ASTN2: variants seen among roughly 807,000 people sequenced by gnomAD.
ASTN2 encodes the protein astrotactin-2.
A neutral mutation model predicts 139.8 loss-of-function variants in ASTN2; 54 were observed. The observed-to-expected ratio is 0.39, with a 90% CI of 0.31 to 0.48. The LOEUF is 0.48. Ranked by LOEUF, ASTN2 falls within the 20% of genes least tolerant of loss-of-function variation. The pLI is 0.95. For synonymous variants in ASTN2, 756 were observed against 719.5 expected, an observed-to-expected ratio of 1.05 and a Z score of -0.81; for missense variants, 1,565 against 1,725.1, an observed-to-expected ratio of 0.91 and a Z score of 1.64.
At chr9:117,270,041 A>G (rs906543459) in intron 2 of ASTN2, among the ~76,000 whole-genome samples, 5 of 152,212 alleles carry the variant, frequency 3.3e-5, no homozygotes, top group Non-Finnish European at 7.3e-5. Context: ...TAGAGGTAAT[A>G]GGAAATTTGG....
chr9:117,002,887 C>G (rs1455512552), intron 7 of ASTN2, among the ~76,000 whole-genome samples: 1 of 152,168 alleles, frequency 6.6e-6, no homozygotes, highest in Non-Finnish European at 1.5e-5. Flanking sequence ...AAGGCTATGA[C>G]AGTAGGTGGG....
chr9:116,549,399 G>A (rs1852243061), intron 19 of ASTN2, among the ~76,000 whole-genome samples: 1 of 152,216 alleles, frequency 6.6e-6, no homozygotes, highest in Admixed American at 6.5e-5. Context: ...AGTCAGGGCA[G>A]CTCTGAGCCA....
chr9:117,389,735 A>T (rs1830494535), intron 1 of ASTN2, among the ~76,000 whole-genome samples: 1 of 152,148 alleles, frequency 6.6e-6, no homozygotes, highest in Non-Finnish European at 1.5e-5. Context: ...TTGGAGAAGC[A>T]CTAGGTATGC....
At chr9:117,194,548 T>C (rs1394196658) in intron 3 of ASTN2, among the ~76,000 whole-genome samples, 1 of 152,206 alleles carries the variant, frequency 6.6e-6, no homozygotes, top group Non-Finnish European at 1.5e-5. Context: ...CACGTGAATA[T>C]GTGCAGGCTC....
At chr9:117,145,635 C>T (rs1177184154) in intron 3 of ASTN2, among the ~76,000 whole-genome samples, 2 of 138,410 alleles carry the variant, frequency 1.4e-5, no homozygotes, top group Admixed American at 1.5e-4. Flanking sequence ...CTTTTCAGTT[C>T]TAGGAATCAG....
At chr9:117,053,371 G>C (rs1450881343) in intron 5 of ASTN2, among the ~76,000 whole-genome samples, 1 of 152,146 alleles carries the variant, frequency 6.6e-6, no homozygotes, top group African/African-American at 2.4e-5. Context: ...AAGATCGCTT[G>C]AGCCCAGGAG....
At chr9:116,937,787 A>G (rs1041837648) in intron 10 of ASTN2, among the ~76,000 whole-genome samples, 1 of 152,202 alleles carries the variant, frequency 6.6e-6, no homozygotes, top group Non-Finnish European at 1.5e-5. Context: ...AATTTGATAA[A>G]TATGTGTTAG....
At chr9:116,784,730 G>A (rs546812666) in intron 13 of ASTN2, among the ~76,000 whole-genome samples, 2 of 152,154 alleles carry the variant, frequency 1.3e-5, no homozygotes, top group East Asian at 3.9e-4. Flanking sequence ...GGGAGTTCGA[G>A]ACCAGCCTGA....
At chr9:117,123,709 G>C (rs1829616729) in intron 4 of ASTN2, among the ~76,000 whole-genome samples, 1 of 152,040 alleles carries the variant, frequency 6.6e-6, no homozygotes, top group East Asian at 1.9e-4. Context: ...TACATTAAGA[G>C]GCAAGCAAAG....
At chr9:116,941,490 C>T (rs1835227921) in intron 10 of ASTN2, among the ~76,000 whole-genome samples, 1 of 151,502 alleles carries the variant, frequency 6.6e-6, no homozygotes, top group Admixed American at 6.6e-5. Flanking sequence ...TCCCCTCTTA[C>T]TCAGAGAAGG....
chr9:116,754,072 T>C (rs1829474393), intron 13 of ASTN2, among the ~76,000 whole-genome samples: 1 of 151,646 alleles, frequency 6.6e-6, no homozygotes, highest in Non-Finnish European at 1.5e-5. Flanking sequence ...TTTGGTTTTC[T>C]GTTCTTGTGT....
At chr9:116,654,590 A>G (rs1396390340) in intron 16 of ASTN2, among the ~76,000 whole-genome samples, 1 of 152,210 alleles carries the variant, frequency 6.6e-6, no homozygotes, top group Admixed American at 6.5e-5. Flanking sequence ...TGGTATGCTG[A>G]TCTAGTACAA....
At chr9:117,045,257 C>CAAAAA (rs56993648) in intron 5 of ASTN2, among the ~76,000 whole-genome samples, 1 of 131,644 alleles carries the variant, frequency 7.6e-6, no homozygotes, top group African/African-American at 2.9e-5. Flanking sequence ...ATGTAATTAG[C>CAAAAA]AAAAAAAAAA....
chr9:116,828,228 T>C (rs3939065), intron 11 of ASTN2, among the ~76,000 whole-genome samples: 119,527 of 150,220 alleles, frequency 0.8, 47,651 homozygotes, highest in East Asian at 0.92. Context: ...ACCCGGGAGG[T>C]GGAGGTTGCA....
intron 5 of ASTN2, among the ~76,000 whole-genome samples, chr9:117,040,584 G>C (rs1588503092): frequency 6.6e-6 from 1 of 152,118 alleles, no homozygotes; most frequent in Admixed American, 6.5e-5. Flanking sequence ...TCAGCCTCCT[G>C]AGTAGCTGGG....
chr9:117,378,205 C>T (rs571942707), intron 1 of ASTN2, among the ~76,000 whole-genome samples: 9 of 152,270 alleles, frequency 5.9e-5, no homozygotes, highest in Middle Eastern at 3.4e-3. Context: ...GGAGAGCAGA[C>T]AAGACAGAAG....
intron 20 of ASTN2, among the ~76,000 whole-genome samples, chr9:116,455,475 A>T (rs575435730): frequency 1.3e-5 from 2 of 152,276 alleles, no homozygotes; most frequent in South Asian, 4.1e-4. Context: ...AAGATTATTA[A>T]ATTTTCAGTT....
chr9:117,293,947 G>A (rs1377281943), intron 1 of ASTN2, among the ~76,000 whole-genome samples: 1 of 152,216 alleles, frequency 6.6e-6, no homozygotes, highest in Non-Finnish European at 1.5e-5. Context: ...AAGCTCCAAG[G>A]TAGGCTACAT....
intron 19 of ASTN2, among the ~76,000 whole-genome samples, chr9:116,536,877 C>T (rs1851654000): frequency 6.6e-6 from 1 of 152,200 alleles, no homozygotes; most frequent in Admixed American, 6.5e-5. Flanking sequence ...CTACTCTCTT[C>T]AAAGCTGTCA....
Sources: gnomAD v4.1 joint callset for allele counts (sites outside exome capture counted in the v4.1 genomes callset) on GRCh38, gnomAD v4.1.1 for gene constraint, MANE v1.5 for transcripts, NCBI Gene and HGNC (gene_info 2026-07-23, HGNC 2026-07-21) for gene names.